ACOT12: variants seen among roughly 807,000 people sequenced by gnomAD.
The protein encoded by ACOT12 is acyl-CoA thioesterase 12.
A neutral mutation model predicts 67.7 loss-of-function variants in ACOT12; 51 were observed. The ratio of observed to expected loss-of-function variants is 0.75; its 90% CI spans 0.60 to 0.95. The LOEUF is 0.95. Ranked by LOEUF, ACOT12 falls within the 40% of genes least tolerant of loss-of-function variation. The probability of loss-of-function intolerance (pLI) is 0.00; values close to 1 mark genes in which losing one functional copy is unlikely to be tolerated. For synonymous variants in ACOT12, 251 were observed against 244.6 expected, an observed-to-expected ratio of 1.03 and a Z score of -0.24; for missense variants, 734 against 708.1, an observed-to-expected ratio of 1.04 and a Z score of -0.41.
intron 2 of ACOT12, among the ~76,000 whole-genome samples, chr5:81,376,764 A>G (rs1760428012): frequency 6.6e-6 from 1 of 152,208 alleles, no homozygotes; most frequent in Non-Finnish European, 1.5e-5. Flanking sequence ...TCCTGGACAC[A>G]TAAACCCTCC....
intron 5 of ACOT12, among the ~76,000 whole-genome samples, chr5:81,358,327 CT>C (rs1759787847): frequency 6.6e-6 from 1 of 152,044 alleles, no homozygotes; most frequent in Admixed American, 6.6e-5. Context: ...TCATTTCTTC[CT>C]TGGGATTTAA....
chr5:81,393,368 T>C (rs1041429615), intron 1 of ACOT12, among the ~76,000 whole-genome samples: 1 of 152,214 alleles, frequency 6.6e-6, no homozygotes, highest in Non-Finnish European at 1.5e-5. Context: ...TAAATTTCCA[T>C]TACGGTAAAT....
chr5:81,316,916 G>A, the ACOT12 span, among the ~76,000 whole-genome samples: 1 of 152,114 alleles, frequency 6.6e-6, no homozygotes, highest in Non-Finnish European at 1.5e-5. Context: ...GTTATTTATT[G>A]CAGAATTGAA....
intron 2 of ACOT12, among the ~76,000 whole-genome samples, chr5:81,383,324 C>G (rs967474435): frequency 1.3e-5 from 2 of 151,824 alleles, no homozygotes; most frequent in Non-Finnish European, 2.9e-5. Context: ...GAGTCAAGAT[C>G]GCACCACTGC....
chr5:81,354,383 T>C (rs1271647826), intron 5 of ACOT12, among the ~76,000 whole-genome samples: 1 of 152,210 alleles, frequency 6.6e-6, no homozygotes, highest in Non-Finnish European at 1.5e-5. Context: ...GTACTGTTAG[T>C]GTTGTGCAGA....
intron 11 of ACOT12, among the ~76,000 whole-genome samples, chr5:81,340,623 G>T (rs1435375597): frequency 6.6e-6 from 1 of 152,154 alleles, no homozygotes; most frequent in Non-Finnish European, 1.5e-5. Flanking sequence ...GCCTCCCAAA[G>T]TGTTGGGATT....
At chr5:81,328,830 G>A (rs1758737270), downstream of ACOT12, among the ~76,000 whole-genome samples, 1 of 152,140 alleles carries the variant, frequency 6.6e-6, no homozygotes, top group Admixed American at 6.5e-5. Context: ...AAACTGAATA[G>A]AACAGCACTA....
chr5:81,323,303 A>C, the ACOT12 span, among the ~76,000 whole-genome samples: 1 of 152,198 alleles, frequency 6.6e-6, no homozygotes, highest in African/African-American at 2.4e-5. Flanking sequence ...ATACCTAGAC[A>C]GCCCTGCAAA....
intron 5 of ACOT12, among the ~76,000 whole-genome samples, chr5:81,358,007 C>CAAAAAAAAAA (rs777333534): frequency 9.9e-5 from 7 of 71,028 alleles, no homozygotes; most frequent in Admixed American, 1.7e-4. Context: ...CCCCATCTCA[C>CAAAAAAAAAA]AAAAAAAAAA....
chr5:81,322,652 T>C, the ACOT12 span, among the ~76,000 whole-genome samples: 4 of 152,124 alleles, frequency 2.6e-5, no homozygotes, highest in East Asian at 7.7e-4. Flanking sequence ...TTCTCAACAG[T>C]ACTGCTATGA....
intron 3 of ACOT12, among the ~76,000 whole-genome samples, chr5:81,371,327 A>T (rs934441557): frequency 1.3e-5 from 2 of 152,078 alleles, no homozygotes; most frequent in Non-Finnish European, 2.9e-5. Flanking sequence ...ATCAAAGCTC[A>T]TTGTAGCCTC....
chr5:81,328,881 G>C (rs892177355), downstream of ACOT12, among the ~76,000 whole-genome samples: 3 of 152,156 alleles, frequency 2.0e-5, no homozygotes, highest in Non-Finnish European at 4.4e-5. Context: ...TTCTATACCT[G>C]TATAGTCCAA....
chr5:81,343,734 A>C (rs1047384282), intron 10 of ACOT12, 84 bp downstream of exon 10: 17 of 1,356,996 alleles, frequency 1.3e-5, no homozygotes, highest in South Asian at 2.6e-5. Flanking sequence ...GCGTAGGCAC[A>C]GCCTAGGCCA....
intron 3 of ACOT12, among the ~76,000 whole-genome samples, chr5:81,368,635 A>C (rs1760153068): frequency 6.6e-6 from 1 of 152,080 alleles, no homozygotes. Flanking sequence ...AAAAAAGGAC[A>C]TATTTTGATG....
chr5:81,333,259 C>A (rs1758889355), intron 12 of ACOT12, among the ~76,000 whole-genome samples: 1 of 152,096 alleles, frequency 6.6e-6, no homozygotes, highest in Non-Finnish European at 1.5e-5. Flanking sequence ...ATTGTGAGGA[C>A]TGGTAAATCA....
chr5:81,312,803 T>C, the ACOT12 span: 2 of 588,928 alleles, frequency 3.4e-6, no homozygotes, highest in South Asian at 4.7e-5. Context: ...AAAAACAATT[T>C]TCTTTATTCT....
chr5:81,335,646 T>A, intron 12 of ACOT12, 122 bp downstream of exon 12: 2 of 1,278,940 alleles, frequency 1.6e-6, no homozygotes, highest in Non-Finnish European at 2.2e-6. Context: ...TGGGTCAAAC[T>A]TCTAAAAATA....
At chr5:81,363,053 G>A (rs1488218628) in intron 4 of ACOT12, among the ~76,000 whole-genome samples, 1 of 152,128 alleles carries the variant, frequency 6.6e-6, no homozygotes, top group Non-Finnish European at 1.5e-5. Flanking sequence ...AGAGCTAGGA[G>A]AAGCCACTGT....
chr5:81,385,028 T>C (rs746739250), intron 2 of ACOT12, among the ~76,000 whole-genome samples: 1 of 152,224 alleles, frequency 6.6e-6, no homozygotes, highest in Non-Finnish European at 1.5e-5. Flanking sequence ...ACATAAAATG[T>C]TTTTCATAAT....
Sources: allele counts gnomAD v4.1 joint callset (sites outside exome capture counted in the v4.1 genomes callset), GRCh38; gene constraint gnomAD v4.1.1; transcripts MANE v1.5; gene names NCBI Gene and HGNC (gene_info 2026-07-23, HGNC 2026-07-21).